Variants in PI4K2B observed in about 807,000 individuals in gnomAD.
PI4K2B encodes the protein phosphatidylinositol 4-kinase type 2 beta, also known as phosphatidylinositol 4-kinase type 2-beta.
In PI4K2B, 46 loss-of-function variants were observed where a neutral mutation model predicts 56.6. That is an observed-to-expected ratio of 0.81 (90% confidence interval 0.64 to 1.04). The LOEUF (loss-of-function observed/expected upper bound fraction) is 1.04. Ranked by LOEUF, PI4K2B falls within the 50% of genes least tolerant of loss-of-function variation. The pLI, the probability that PI4K2B is intolerant of heterozygous loss-of-function variation, is 0.00. For synonymous variants in PI4K2B, 211 were observed against 223.8 expected, an observed-to-expected ratio of 0.94 and a Z score of 0.51; for missense variants, 556 against 607.7, an observed-to-expected ratio of 0.91 and a Z score of 0.89.
chr4:25,253,932 G>A (rs187563704), intron 2 of PI4K2B, among the ~76,000 whole-genome samples: 8 of 152,062 alleles, frequency 5.3e-5, no homozygotes, highest in East Asian at 1.9e-4. Context: ...CCACCACGCC[G>A]AGCTAATTGT....
Position 25,277,014 on chromosome 4 carries a change from A to G in PI4K2B, c.1273A>G (p.Ile425Val), listed in dbSNP as rs946033302. The change falls in exon 10 of 10, where the codon ATC becomes GTC. Residue 425 changes from isoleucine to valine, a missense_variant and splice_region_variant. By Grantham distance (29) the Ile-to-Val change is conservative. Transcript: ENST00000264864. ...GTAAAAATCTCTCTTCTTCCCACAGATCTTAAACCTTACTCAGGCATTGAG... is the reference window on the plus strand; with the variant it reads ...GTAAAAATCTCTCTTCTTCCCACAGGTCTTAAACCTTACTCAGGCATTGAG... ...ESQMSVMRGQ[I>V]LNLTQALRDG... is the part of the protein sequence containing the mutation. 6 of 1,562,522 alleles carry G rather than the reference A, an allele frequency of 3.8e-6. No individual in the cohort carries two copies. The Middle Eastern group carries it at 5.2e-4, about 135-fold the overall frequency.
At chr4:25,240,088 A>G (rs1715451798) in intron 1 of PI4K2B, among the ~76,000 whole-genome samples, 1 of 152,254 alleles carries the variant, frequency 6.6e-6, no homozygotes, top group African/African-American at 2.4e-5. Context: ...GTCCAAAGGC[A>G]AGTAACAGCA....
chr4:25,274,335 A>AT (rs2109026992), intron 9 of PI4K2B, among the ~76,000 whole-genome samples: 1 of 152,330 alleles, frequency 6.6e-6, no homozygotes, highest in East Asian at 1.9e-4. Context: ...TCAAGCTGTC[A>AT]TTATGGCATG....
chr4:25,244,762 A>G (rs1715687328), intron 1 of PI4K2B, among the ~76,000 whole-genome samples: 1 of 152,180 alleles, frequency 6.6e-6, no homozygotes, highest in Admixed American at 6.5e-5. Flanking sequence ...GCTGATCGGA[A>G]TAGTTGCGCT....
rs1466486413 is a variant in PI4K2B at position 25,277,260 on chromosome 4, G to T, written c.*73G>T. The T allele has an allele frequency of 6.9e-7, 1 of 1,439,656 alleles. No homozygotes were observed. 89.2% of individuals were successfully genotyped at this position (1,439,656 alleles called of 1,614,324 possible). On this transcript the variant is annotated 3_prime_UTR_variant, in exon 10 of 10. Transcript: ENST00000264864. ...TAAAACATCATAGTAATATAAATCTGCTGTTAGGAGCTCCAGTTGCTAAAA... is the reference window on the plus strand; with the variant it reads ...TAAAACATCATAGTAATATAAATCTTCTGTTAGGAGCTCCAGTTGCTAAAA...
intron 6 of PI4K2B, among the ~76,000 whole-genome samples, chr4:25,261,236 T>G (rs1341091174): frequency 6.6e-6 from 1 of 152,184 alleles, no homozygotes; most frequent in Admixed American, 6.5e-5. Context: ...AATACAATAT[T>G]ACCTAATAAA....
Position 25,234,380 on chromosome 4 carries a change from G to C in PI4K2B, c.217G>C (p.Val73Leu). 1 of 1,401,806 alleles carries C rather than the reference G, an allele frequency of 7.1e-7. No individual in the cohort carries two copies. The highest frequency in any genetic ancestry group is 9.3e-7 in the Non-Finnish European group (1 of 1,077,058). The allele number at this position is 1,401,806 out of a possible 1,614,324, so 86.8% of individuals were successfully genotyped here. A position where few individuals can be genotyped will look rare whatever the true frequency, so the allele number is the denominator to read the frequency against. Residue 73 changes from valine to leucine, a missense_variant, in exon 1 of 10, where the codon GTC becomes CTC. Physicochemically the swap from Val to Leu is conservative, Grantham distance 32. Transcript: ENST00000264864. Reference protein sequence around the residue: ...ELPLPPGDVGVSRSSSAELDR... With the variant: ...ELPLPPGDVGLSRSSSAELDR... ...GCCCCTCCCGCCCGGGGACGTGGGG[G>C]TCTCCCGGAGTTCGTCCGCCGAGCT...
At chr4:25,260,069 C>A in intron 5 of PI4K2B, among the ~76,000 whole-genome samples, 1 of 152,098 alleles carries the variant, frequency 6.6e-6, no homozygotes, top group East Asian at 1.9e-4. Flanking sequence ...GGAAACGAAT[C>A]AAATAATTTT....
chr4:25,256,171 G>T (rs960389303), intron 3 of PI4K2B, among the ~76,000 whole-genome samples: 1 of 152,172 alleles, frequency 6.6e-6, no homozygotes, highest in Non-Finnish European at 1.5e-5. Context: ...ACCTGCCACA[G>T]CCCCCCAGAG....
chr4:25,263,723 T>G (rs773164728), intron 6 of PI4K2B, 27 bp from the exon 7 acceptor site: 1 of 829,338 alleles, frequency 1.2e-6, no homozygotes, highest in Non-Finnish European at 2.0e-6. Flanking sequence ...GGTTCTTTTA[T>G]CAACATATCA....
In PI4K2B at chr4:25,234,301, C is replaced by T; in HGVS notation, c.138C>T (p.Ala46=). 2 of 1,419,798 alleles carry T rather than the reference C, an allele frequency of 1.4e-6. No individual in the cohort carries two copies. The highest frequency in any genetic ancestry group is 1.8e-6 in the Non-Finnish European group (2 of 1,084,138). The allele number at this position is 1,419,798 out of a possible 1,614,324, so 88.0% of individuals were successfully genotyped here. A position where few individuals can be genotyped will look rare whatever the true frequency, so the allele number is the denominator to read the frequency against. ...AHPRRGAPGS[A]VRLLDAAGEE... is the part of the protein sequence containing the mutation. ...CGCGGAGAGGCGCCCCAGGCAGCGCCGTGAGGCTGCTGGACGCTGCCGGGG... is the reference window on the plus strand; with the variant it reads ...CGCGGAGAGGCGCCCCAGGCAGCGCTGTGAGGCTGCTGGACGCTGCCGGGG... Residue 46 remains alanine, a synonymous_variant, in exon 1 of 10, where the codon GCC becomes GCT. Transcript: ENST00000264864.
intron 3 of PI4K2B, among the ~76,000 whole-genome samples, chr4:25,256,031 ACCTCAG>A (rs1202177418): frequency 6.6e-6 from 1 of 151,542 alleles, no homozygotes; most frequent in African/African-American, 2.4e-5. Flanking sequence ...TGATCCTCCC[ACCTCAG>A]CCTCCTGAGT....
intron 2 of PI4K2B, 93 bp downstream of exon 2, chr4:25,252,568 C>G: frequency 1.1e-6 from 1 of 914,086 alleles, no homozygotes; most frequent in East Asian, 2.4e-5. Context: ...AGATATTTTC[C>G]TATTAAGTCT....
At position 25,277,153 on chromosome 4, in the gene PI4K2B, T is replaced by C; in HGVS notation, c.1412T>C (p.Val471Ala). ...CTGAGCAATTCCTTTACCCAGACTG[T>C]CAATTGCAGGAAGCCATTTTTTTCC... is the stretch of plus-strand genomic sequence containing the variant. ...VHLSNSFTQT[V>A]NCRKPFFSSW is the part of the protein sequence containing the mutation. The change falls in exon 10 of 10, where the codon GTC (valine) becomes GCC (alanine). Residue 471 changes from valine (V) to alanine (A), a missense_variant. Coordinates refer to ENST00000264864, the MANE Select transcript of PI4K2B (RefSeq NM_018323.4). 6.2e-7 allele frequency: 1 copy of C among 1,613,378 alleles called. No individual in the cohort carries two copies. Among genetic ancestry groups the C allele is most frequent in the Non-Finnish European group, 8.5e-7 (1 of 1,179,466 alleles).
intron 9 of PI4K2B, chr4:25,276,176 G>T (rs979121638): frequency 3.9e-5 from 6 of 152,382 alleles, no homozygotes; most frequent in African/African-American, 1.2e-4. Flanking sequence ...TTCCTAATAT[G>T]CAGGGAAAAA....
At chr4:25,239,141 C>CT (rs1247024302) in intron 1 of PI4K2B, among the ~76,000 whole-genome samples, 12 of 152,218 alleles carry the variant, frequency 7.9e-5, no homozygotes, top group African/African-American at 2.9e-4. Flanking sequence ...TAAAGGTTCT[C>CT]TAAGTCCCCA....
At chr4:25,254,471 T>C in intron 2 of PI4K2B, 2 of 197,318 alleles carry the variant, frequency 1.0e-5, no homozygotes, top group Non-Finnish European at 1.8e-5. Context: ...TGGAGTGCAG[T>C]GGTGCGATCT....
chr4:25,270,852 A>G (rs751363241), intron 9 of PI4K2B, among the ~76,000 whole-genome samples: 15 of 152,236 alleles, frequency 9.9e-5, no homozygotes, highest in African/African-American at 1.4e-4. Flanking sequence ...TTATAAATTA[A>G]CATTCTCTTC....
intron 1 of PI4K2B, among the ~76,000 whole-genome samples, chr4:25,248,971 G>A (rs191141633): frequency 6.6e-6 from 1 of 152,216 alleles, no homozygotes; most frequent in African/African-American, 2.4e-5. Context: ...CTTCCGCAGT[G>A]TTTGTGTCTC....
Sources: allele counts gnomAD v4.1 joint callset (sites outside exome capture counted in the v4.1 genomes callset), GRCh38; gene constraint gnomAD v4.1.1; transcripts MANE v1.5; gene names NCBI Gene and HGNC (gene_info 2026-07-23, HGNC 2026-07-21).